The following UGT1A9 variants were observed in gnomAD, a reference collection of about 807,000 sequenced individuals.
UGT1A9 encodes UDP-glucuronosyltransferase 1A9.
UGT1A9 carries 35 observed loss-of-function variants against 45.0 expected under a neutral mutation model. The observed-to-expected ratio is 0.78, with a 90% CI of 0.59 to 1.03. The LOEUF (loss-of-function observed/expected upper bound fraction) is 1.03. Among genes scored for constraint, UGT1A9 ranks in the 50% least tolerant of loss-of-function variants. The probability of loss-of-function intolerance (pLI) is 0.00; values close to 1 mark genes in which losing one functional copy is unlikely to be tolerated. For synonymous variants in UGT1A9, 278 were observed against 250.6 expected, an observed-to-expected ratio of 1.11 and a Z score of -1.03; for missense variants, 687 against 666.6, an observed-to-expected ratio of 1.03 and a Z score of -0.34.
chr2:233,694,000 G>A (rs763633601), intron 1 of UGT1A9: 38 of 1,484,348 alleles, frequency 2.6e-5, no homozygotes, highest in Middle Eastern at 2.5e-4. Context: ...TACCCGGCTC[G>A]GAGCAGCGGG....
chr2:233,772,009 A>G (rs1267109388), intron 4 of UGT1A9, among the ~76,000 whole-genome samples: 2 of 152,192 alleles, frequency 1.3e-5, no homozygotes, highest in African/African-American at 4.8e-5. Context: ...GCTACTCTGG[A>G]GGCTGAGGCA....
intron 1 of UGT1A9, among the ~76,000 whole-genome samples, chr2:233,711,778 T>G (rs1300616599): frequency 3.9e-5 from 6 of 152,154 alleles, no homozygotes; most frequent in Admixed American, 3.9e-4. Flanking sequence ...AGATAGAAAG[T>G]GTGCACAGCC....
In UGT1A9 at chr2:233,767,938, T is replaced by G. The variant is rs779261748; in HGVS notation, c.1075+2T>G. The G allele has an allele frequency of 6.2e-7, 1 of 1,614,194 alleles. No individual in the cohort carries two copies. Among genetic ancestry groups the G allele is most frequent in the South Asian group, 1.1e-5 (1 of 91,090 alleles). ...GGCTACCCCAAAACGATCTGCTTGG[T>G]ATGTTGGGCGGATTGGATGTATAGG... On this transcript the variant is annotated splice_donor_variant, in intron 3 of 4. Transcript: ENST00000354728. LOFTEE classifies it high-confidence loss of function.
At chr2:233,697,382 C>T (rs576473887) in intron 1 of UGT1A9, among the ~76,000 whole-genome samples, 21 of 152,142 alleles carry the variant, frequency 1.4e-4, no homozygotes, top group African/African-American at 4.1e-4. Context: ...TCACAATAAT[C>T]GCTAATGATC....
chr2:233,757,231 AGTG>A (rs1225021845), intron 1 of UGT1A9, among the ~76,000 whole-genome samples: 2 of 127,510 alleles, frequency 1.6e-5, no homozygotes, highest in African/African-American at 6.0e-5. Flanking sequence ...AGGTTCCAGA[AGTG>A]GTGGTGAGGT....
At chr2:233,725,418 C>T (rs1426524230) in intron 1 of UGT1A9, among the ~76,000 whole-genome samples, 1 of 151,350 alleles carries the variant, frequency 6.6e-6, no homozygotes, top group Non-Finnish European at 1.5e-5. Flanking sequence ...CAGAATTGTC[C>T]AATAGAAATA....
chr2:233,773,166 A>T lies in UGT1A9; in HGVS notation c.*607A>T, dbSNP rs1365431114. ...ATTGGTGGGTGGTGTATTTGAGAAGATAATCATTGCTTATGTCAAATGGAG... is the reference window on the plus strand; with the variant it reads ...ATTGGTGGGTGGTGTATTTGAGAAGTTAATCATTGCTTATGTCAAATGGAG... On this transcript the variant is annotated 3_prime_UTR_variant, in exon 5 of 5. Transcript: ENST00000354728. The T allele has an allele frequency of 6.5e-6, 1 of 153,410 alleles. No individual in the cohort carries two copies. Among genetic ancestry groups the T allele is most frequent in the Non-Finnish European group, 1.5e-5 (1 of 68,794 alleles). The allele number at this position is 153,410 out of a possible 1,614,324, so 9.5% of individuals were successfully genotyped here.
At chr2:233,686,829 CT>C (rs2074807252) in intron 1 of UGT1A9, among the ~76,000 whole-genome samples, 1 of 152,156 alleles carries the variant, frequency 6.6e-6, no homozygotes, top group South Asian at 2.1e-4. Flanking sequence ...TTTTATTCCT[CT>C]TTTCTATCTC....
rs928548039 is a variant in UGT1A9 at position 233,672,369 on chromosome 2, G to A, written c.435G>A (p.Val145=). The part of the protein sequence containing the change: ...EYLKESSFDA[V]FLDPFDNCGL... ...TAAAGGAGAGTTCTTTTGATGCAGTGTTTCTCGATCCTTTTGATAACTGTG... is the reference window on the plus strand; with the variant it reads ...TAAAGGAGAGTTCTTTTGATGCAGTATTTCTCGATCCTTTTGATAACTGTG... The change falls in exon 1 of 5, where the codon GTG becomes GTA. Residue 145 remains valine, a synonymous_variant. Transcript: ENST00000354728. The A allele has an allele frequency of 1.2e-6, 2 of 1,614,104 alleles. No homozygotes were observed. The highest frequency in any genetic ancestry group is 3.3e-5 in the Admixed American group (2 of 60,004).
chr2:233,760,663 G>A, intron 1 of UGT1A9: 1 of 1,614,204 alleles, frequency 6.2e-7, no homozygotes, highest in Non-Finnish European at 8.5e-7. Context: ...GCTTTTGTCT[G>A]GCTGTTCCCA....
chr2:233,696,132 A>G (rs1187117199), intron 1 of UGT1A9, among the ~76,000 whole-genome samples: 2 of 152,204 alleles, frequency 1.3e-5, no homozygotes, highest in African/African-American at 4.8e-5. Flanking sequence ...CTGCCCCAAT[A>G]TATCCCATTG....
chr2:233,705,851 G>A (rs1384426645), intron 1 of UGT1A9, among the ~76,000 whole-genome samples: 1 of 152,174 alleles, frequency 6.6e-6, no homozygotes, highest in Non-Finnish European at 1.5e-5. Context: ...GAAGTGGGAA[G>A]CTGAGGCAGG....
At chr2:233,678,232 G>A (rs1271694753) in intron 1 of UGT1A9, among the ~76,000 whole-genome samples, 1 of 152,124 alleles carries the variant, frequency 6.6e-6, no homozygotes, top group Non-Finnish European at 1.5e-5. Flanking sequence ...TTGGGTGATG[G>A]GAGCAATCAT....
chr2:233,743,863 G>A (rs369107156), intron 1 of UGT1A9: 364 of 1,364,642 alleles, frequency 2.7e-4, no homozygotes, highest in Middle Eastern at 2.1e-4. Context: ...CCTTCTTGAT[G>A]GCCTCGGATG....
At chr2:233,714,277 A>C (rs892739336) in intron 1 of UGT1A9, among the ~76,000 whole-genome samples, 6 of 152,178 alleles carry the variant, frequency 3.9e-5, no homozygotes, top group African/African-American at 1.4e-4. Context: ...TTGACGTGAC[A>C]ATTTTTAGTG....
chr2:233,753,193 A>G (rs1695148860), intron 1 of UGT1A9: 1 of 152,208 alleles, frequency 6.6e-6, no homozygotes, highest in Admixed American at 6.5e-5. Context: ...ATTTTTCAAA[A>G]GCCCTGACAG....
intron 1 of UGT1A9, among the ~76,000 whole-genome samples, chr2:233,697,405 G>A (rs1009403736): frequency 2.0e-5 from 3 of 151,756 alleles, no homozygotes; most frequent in African/African-American, 7.3e-5. Context: ...TTGTATTTCT[G>A]TGGTGTCAGT....
At chr2:233,763,992 G>T (rs1053097795) in intron 1 of UGT1A9, among the ~76,000 whole-genome samples, 85 of 152,324 alleles carry the variant, frequency 5.6e-4, no homozygotes, top group Non-Finnish European at 2.2e-4. Flanking sequence ...AATGCGTGAT[G>T]GTGAAGTCAC....
intron 1 of UGT1A9, among the ~76,000 whole-genome samples, chr2:233,718,367 A>G (rs896137284): frequency 2.0e-5 from 3 of 152,244 alleles, no homozygotes; most frequent in South Asian, 2.1e-4. Flanking sequence ...TTATTCACAT[A>G]TGAGAAGAAA....
Sources: allele counts gnomAD v4.1 joint callset (sites outside exome capture counted in the v4.1 genomes callset), GRCh38; gene constraint gnomAD v4.1.1; transcripts MANE v1.5; gene names NCBI Gene and HGNC (gene_info 2026-07-23, HGNC 2026-07-21).